Variants in RXRA observed in about 807,000 individuals in gnomAD.
RXRA encodes the protein retinoic acid receptor RXR-alpha.
Under a neutral mutation model 44.5 loss-of-function variants are expected in RXRA, and 5 were observed. That is an observed-to-expected ratio of 0.11 (90% CI 0.06 to 0.24). The LOEUF (loss-of-function observed/expected upper bound fraction) is 0.24, where lower values mean the gene tolerates loss of function less well. RXRA is among the 10% of genes least tolerant of loss of function. The pLI is 1.00. For synonymous variants in RXRA, 291 were observed against 271.4 expected (o/e 1.07, Z -0.71); for missense variants, 412 against 646.5 (o/e 0.64, Z 3.93).
intron 1 of RXRA, among the ~76,000 whole-genome samples, chr9:134,354,339 T>C (rs1830257619): frequency 6.6e-6 from 1 of 152,314 alleles, no homozygotes; most frequent in South Asian, 2.1e-4. Flanking sequence ...TCTGCAGAAT[T>C]TTCTGCCCAT....
In RXRA at chr9:134,416,101, A is replaced by G. The variant is rs183101742; in HGVS notation, c.611-1057A>G. On this transcript the variant is annotated intron_variant, in intron 4 of 9. Coordinates refer to ENST00000481739, the MANE Select transcript of RXRA (RefSeq NM_002957.6). ...GGGACGTGTCTCGGGGGAACCGCCC[A>G]TAAGCCAAGTGGACTCTTCTATCCA... 3.9e-5 allele frequency among the ~76,000 whole-genome samples: 6 copies of G among 152,216 alleles called. No individual in the cohort carries two copies. The East Asian group carries it at 1.2e-3, about 29-fold the overall frequency.
rs1432616646 is a variant in RXRA at position 134,342,562 on chromosome 9, G to A, written c.28+15903G>A. On this transcript the variant is annotated intron_variant, in intron 1 of 9. Coordinates refer to ENST00000481739, the MANE Select transcript of RXRA (RefSeq NM_002957.6). This position sits in a 1 kb window ranked among gnomAD's most constrained non-coding sequence, Gnocchi z 4.4. ...AGCGGGGGGCAGTGGGTTGGTGCAG[G>A]CAGAGTGGTAACAGCAAGCTGTGGG... Among the ~76,000 whole-genome samples, 1 of 152,230 alleles carries A rather than the reference G, an allele frequency of 6.6e-6. No homozygotes were observed. The highest frequency in any genetic ancestry group is 1.9e-4 in the East Asian group (1 of 5,184).
At chr9:134,389,022 G>A (rs1033359181) in intron 1 of RXRA, among the ~76,000 whole-genome samples, 4 of 152,166 alleles carry the variant, frequency 2.6e-5, no homozygotes, top group African/African-American at 9.7e-5. Context: ...GTGGCCTCAG[G>A]CCTGTGTCCA....
chr9:134,434,256 C>G lies in RXRA; in HGVS notation c.1241+49C>G, dbSNP rs146783648. Reference sequence around the variant, plus strand: ...ACACCCCAGACCCAGGCTCTTGTCTCCAGAGCCCCCACCCCCTGCAAGGCC... The same window carrying G: ...ACACCCCAGACCCAGGCTCTTGTCTGCAGAGCCCCCACCCCCTGCAAGGCC... On this transcript the variant is annotated intron_variant, in intron 9 of 9. Transcript: ENST00000481739. The G allele has an allele frequency of 8.5e-4, 1,182 of 1,384,896 alleles. 14 individuals carry two copies. The East Asian group carries it at 0.023, about 27-fold the overall frequency. The allele number at this position is 1,384,896 out of a possible 1,614,324, so 85.8% of individuals were successfully genotyped here.
chr9:134,378,353 C>T (rs1025816463), intron 1 of RXRA, among the ~76,000 whole-genome samples: 3 of 152,236 alleles, frequency 2.0e-5, no homozygotes, highest in African/African-American at 7.2e-5. Context: ...GTGTGCCGGC[C>T]AGCGCCTGTG....
chr9:134,346,173 G>A (rs922285703), intron 1 of RXRA, among the ~76,000 whole-genome samples: 2 of 152,084 alleles, frequency 1.3e-5, no homozygotes, highest in Admixed American at 6.5e-5. Flanking sequence ...GGACCATGCC[G>A]CCCTCCTCTT....
rs535509577 is a variant in RXRA at position 134,340,420 on chromosome 9, A to G, written c.28+13761A>G. ...TCAGCCAGTTCCCAGGAAGTGTCAC[A>G]GGGGTGATAATTGTCCAGCCAGGAG... On this transcript the variant is annotated intron_variant, in intron 1 of 9. Transcript: ENST00000481739. 7.9e-5 allele frequency among the ~76,000 whole-genome samples: 12 copies of G among 152,292 alleles called. No homozygotes were observed. The South Asian group carries it at 2.5e-3, about 32-fold the overall frequency.
chr9:134,331,674 G>A (rs1835008600), intron 1 of RXRA, among the ~76,000 whole-genome samples: 1 of 152,264 alleles, frequency 6.6e-6, no homozygotes, highest in Admixed American at 6.5e-5. Context: ...TTATTTTTGG[G>A]ACCTTGTGGA....
intron 1 of RXRA, among the ~76,000 whole-genome samples, chr9:134,338,655 C>G (rs891348661): frequency 1.3e-5 from 2 of 152,212 alleles, no homozygotes; most frequent in African/African-American, 4.8e-5. Context: ...GCTGCCGGAT[C>G]CCACGCAGCC....
At chr9:134,432,394 C>G (rs1005650044) in intron 8 of RXRA, among the ~76,000 whole-genome samples, 1 of 152,214 alleles carries the variant, frequency 6.6e-6, no homozygotes, top group African/African-American at 2.4e-5. Context: ...TCAGGCCTGC[C>G]GGGTGTTCCA....
chr9:134,401,450 G>A, intron 1 of RXRA, 182 bp from the exon 2 acceptor site: 4 of 909,444 alleles, frequency 4.4e-6, no homozygotes, highest in Non-Finnish European at 6.8e-6. Context: ...GGGAGCTCTG[G>A]GCACACCTGG....
Position 134,436,621 on chromosome 9 carries a change from G to A in RXRA, c.*7G>A, listed in dbSNP as rs759439845. On this transcript the variant is annotated 3_prime_UTR_variant, in exon 10 of 10. Transcript: ENST00000481739. The stretch of plus-strand genomic sequence containing the variant: ...GCCGCACCAAATGACTTAGGCCTGC[G>A]GGCCCATCCTTTGTGCCCACCCGTT... 1.7e-5 allele frequency: 27 copies of A among 1,613,588 alleles called. No homozygotes were observed. The highest frequency in any genetic ancestry group is 4.5e-5 in the East Asian group (2 of 44,900).
rs146545396 is a variant in RXRA at position 134,400,180 on chromosome 9, C to G, written c.29-1452C>G. On this transcript the variant is annotated intron_variant, in intron 1 of 9. Transcript: ENST00000481739. ...ATGTCTTCCTGAGATGCAGGGTGCA[C>G]AGGAGGCAGATGCCCATGAGAGGCC... 2.1e-3 allele frequency among the ~76,000 whole-genome samples: 326 copies of G among 152,310 alleles called. 4 individuals carry two copies. Among genetic ancestry groups the G allele is most frequent in the Admixed American group, 0.017 (256 of 15,308 alleles).
At position 134,408,169 on chromosome 9, in the gene RXRA, C is replaced by A. The variant is rs571766607; in HGVS notation, c.300C>A (p.Pro100=). Residue 100 remains proline, a synonymous_variant, in exon 3 of 10, where the codon CCC becomes CCA. Transcript: ENST00000481739. ...GSPQLSSPMN[P]VSSSEDIKPP... is the part of the protein sequence containing the mutation. ...CCCAGCTCAGCTCACCTATGAACCC[C>A]GTCAGCAGCAGCGAGGACATCAAGC... The A allele has an allele frequency of 3.2e-6, 5 of 1,584,742 alleles. No homozygotes were observed. The African/African-American group carries it at 4.0e-5, about 13-fold the overall frequency.
At chr9:134,381,878 C>T (rs1241306844) in intron 1 of RXRA, among the ~76,000 whole-genome samples, 3 of 152,136 alleles carry the variant, frequency 2.0e-5, no homozygotes, top group African/African-American at 7.2e-5. Context: ...GTGTGGGGCC[C>T]ACAGGATGAG....
chr9:134,359,873 G>A lies in RXRA; in HGVS notation c.28+33214G>A, dbSNP rs1830328388. Among the ~76,000 whole-genome samples, 3 of 152,340 alleles carry A rather than the reference G, an allele frequency of 2.0e-5. No homozygotes were observed. The South Asian group carries it at 6.2e-4, about 32-fold the overall frequency. On this transcript the variant is annotated intron_variant, in intron 1 of 9. Transcript: ENST00000481739. Reference sequence around the variant, plus strand: ...TTTGCTCCCGAGATTGTCCTGCCATGCTGGGCAGCCTGGTGGCTCTGGGTG... The same window carrying A: ...TTTGCTCCCGAGATTGTCCTGCCATACTGGGCAGCCTGGTGGCTCTGGGTG...
chr9:134,335,256 C>T (rs1829983313), intron 1 of RXRA, among the ~76,000 whole-genome samples: 1 of 152,198 alleles, frequency 6.6e-6, no homozygotes, highest in Non-Finnish European at 1.5e-5. Flanking sequence ...GGCTGTATGG[C>T]CCTGGGCTAG....
At chr9:134,380,125 T>G (rs1830620035) in intron 1 of RXRA, 1 of 985,352 alleles carries the variant, frequency 1.0e-6, no homozygotes, top group Non-Finnish European at 1.2e-6. Context: ...AAGTGTGGCC[T>G]TGGCACTGCC....
Position 134,434,137 on chromosome 9 carries a change from G to A in RXRA, c.1171G>A (p.Ala391Thr). 1 of 1,613,812 alleles carries A rather than the reference G, an allele frequency of 6.2e-7. No homozygotes were observed. The highest frequency in any genetic ancestry group is 8.5e-7 in the Non-Finnish European group (1 of 1,179,904). Residue 391 changes from alanine to threonine, a missense_variant, in exon 9 of 10, where the codon GCG (alanine) becomes ACG (threonine). Ala to Thr is a moderately conservative substitution (Grantham distance 58). This residue lies in a region of RXRA where 141 missense variants were observed against 270.8 expected (regional missense o/e 0.52). Transcript: ENST00000481739. ...KGLSNPAEVE[A>T]LREKVYASLE... Reference sequence around the variant, plus strand: ...GCTCTCGAACCCGGCCGAGGTGGAGGCGCTGAGGGAGAAGGTCTATGCGTC... The same window carrying A: ...GCTCTCGAACCCGGCCGAGGTGGAGACGCTGAGGGAGAAGGTCTATGCGTC...
Sources: allele counts gnomAD v4.1 joint callset (sites outside exome capture counted in the v4.1 genomes callset), GRCh38; gene constraint gnomAD v4.1.1; regional missense constraint gnomAD v4.1.1; non-coding constraint Gnocchi (gnomAD v3.1); transcripts MANE v1.5; gene names NCBI Gene and HGNC (gene_info 2026-07-23, HGNC 2026-07-21).